TRIM4: variants seen among roughly 807,000 people sequenced by gnomAD.
TRIM4 encodes tripartite motif containing 4, also known as E3 ubiquitin-protein ligase TRIM4.
Under a neutral mutation model 33.7 loss-of-function variants are expected in TRIM4, and 29 were observed. That is an observed-to-expected ratio of 0.86 (90% CI 0.64 to 1.17). The LOEUF is 1.17. Ranked by LOEUF, TRIM4 falls within the 50% of genes most tolerant of loss-of-function variation. The pLI, the probability that TRIM4 is intolerant of heterozygous loss-of-function variation, is 0.00. For missense variants in TRIM4, 554 were observed against 593.7 expected (o/e 0.93, Z 0.69); for synonymous variants, 224 against 233.0 (o/e 0.96, Z 0.35).
rs1355639033 is a variant in TRIM4, at chr7:99,908,342, T to C, written c.720+240A>G. ...TATGTGCTAAGTCTCAGATCCTAGA[T>C]GAACTATGAGACTGTGTGAATCAAC... is the stretch of plus-strand genomic sequence containing the variant. On this transcript the variant is annotated intron_variant, in intron 3 of 5. Coordinates refer to ENST00000349062, the MANE Select transcript of TRIM4 (RefSeq NM_033091.3). 10 of 418,842 alleles carry C rather than the reference T, an allele frequency of 2.4e-5. No individual in the cohort carries two copies. In the East Asian group the frequency reaches 3.4e-4, roughly 14 times the overall value. 25.9% of individuals were successfully genotyped at this position (418,842 alleles called of 1,614,324 possible). A position where few individuals can be genotyped will look rare whatever the true frequency, so the allele number is the denominator to read the frequency against.
At chr7:99,913,428 G>A (rs544369077) in intron 1 of TRIM4, among the ~76,000 whole-genome samples, 1 of 152,280 alleles carries the variant, frequency 6.6e-6, no homozygotes, top group African/African-American at 2.4e-5. Context: ...CAGCACTTTG[G>A]GAGGCCAAGG....
In TRIM4 at chr7:99,892,719, G is replaced by A; in HGVS notation, c.869C>T (p.Ala290Val). 1 of 1,613,610 alleles carries A rather than the reference G, an allele frequency of 6.2e-7. No homozygotes were observed. Among genetic ancestry groups the A allele is most frequent in the Non-Finnish European group, 8.5e-7 (1 of 1,179,946 alleles). The change falls in exon 6 of 6, where the codon GCT (alanine) becomes GTT (valine). Residue 290 changes from alanine to valine, a missense_variant. Transcript: ENST00000349062. ...QVAVNLAEDT[A>V]HPKLVFSQEG... is the part of the protein sequence containing the mutation. ...CTGGGAGAAGACGAGTTTGGGATGA[G>A]CTGTGTCTTCAGCTAGGTTTACAGC...
chr7:99,896,824 C>G (rs940792460), intron 5 of TRIM4, among the ~76,000 whole-genome samples: 1 of 152,250 alleles, frequency 6.6e-6, no homozygotes, highest in African/African-American at 2.4e-5. Flanking sequence ...TCTGGAAGAA[C>G]TGCTGCAGGG....
intron 3 of TRIM4, among the ~76,000 whole-genome samples, chr7:99,904,945 A>G (rs1377229702): frequency 6.6e-6 from 1 of 152,046 alleles, no homozygotes; most frequent in Non-Finnish European, 1.5e-5. Context: ...GGAACGAGAA[A>G]TGCTTGAACC....
At chr7:99,894,328 T>C (rs928856650) in intron 5 of TRIM4, among the ~76,000 whole-genome samples, 5 of 152,134 alleles carry the variant, frequency 3.3e-5, no homozygotes, top group Non-Finnish European at 7.4e-5. Context: ...TCTTGAAGAA[T>C]TGGCATTTAT....
chr7:99,909,788 A>G (rs1172239673), intron 1 of TRIM4, 128 bp from the exon 2 acceptor site: 1 of 733,818 alleles, frequency 1.4e-6, no homozygotes, highest in Non-Finnish European at 2.1e-6. Context: ...GTTAGACTGC[A>G]GCGGCCTGAT....
chr7:99,893,222 G>A (rs1354533373), intron 5 of TRIM4, among the ~76,000 whole-genome samples: 1 of 152,018 alleles, frequency 6.6e-6, no homozygotes, highest in Non-Finnish European at 1.5e-5. Flanking sequence ...ACCCGAGATC[G>A]TGCCACTGCA....
chr7:99,900,217 G>A (rs531972348), intron 5 of TRIM4, among the ~76,000 whole-genome samples: 2 of 152,350 alleles, frequency 1.3e-5, no homozygotes, highest in East Asian at 3.9e-4. Flanking sequence ...CATTAGGCAG[G>A]AAGAGCCAAT....
chr7:99,898,254 A>G (rs1819067814), intron 5 of TRIM4, among the ~76,000 whole-genome samples: 1 of 152,228 alleles, frequency 6.6e-6, no homozygotes, highest in South Asian at 2.1e-4. Context: ...TACACGATGG[A>G]CAAGGGTGAG....
chr7:99,896,737 T>C lies in TRIM4; in HGVS notation c.842-3991A>G, dbSNP rs369363025. Reference sequence around the variant, plus strand: ...CCTGGGCTGGTTGTCCACATGTATGTGGGGCCCAATAGCCACTATCCTTGA... The same window carrying C: ...CCTGGGCTGGTTGTCCACATGTATGCGGGGCCCAATAGCCACTATCCTTGA... On this transcript the variant is annotated intron_variant, in intron 5 of 5. Transcript: ENST00000349062. Among the ~76,000 whole-genome samples the C allele has an allele frequency of 2.5e-4, 38 of 152,344 alleles. 1 individual carries two copies. Among genetic ancestry groups the C allele is most frequent in the African/African-American group, 8.9e-4 (37 of 41,580 alleles).
chr7:99,908,391 G>C (rs1190340194), intron 3 of TRIM4, 191 bp downstream of exon 3: 1 of 564,450 alleles, frequency 1.8e-6, no homozygotes, highest in Non-Finnish European at 3.1e-6. Context: ...GCTGAGCTCA[G>C]CATACCTACA....
At chr7:99,909,469 G>T in intron 2 of TRIM4, 96 bp downstream of exon 2, 1 of 1,023,942 alleles carries the variant, frequency 9.8e-7, no homozygotes, top group Non-Finnish European at 1.5e-6. Context: ...TACGTGAACT[G>T]CAAAACCCCA....
At chr7:99,916,796 G>A (rs757860733) in intron 1 of TRIM4, 32 of 780,350 alleles carry the variant, frequency 4.1e-5, no homozygotes, top group African/African-American at 3.9e-4. Context: ...CAAAAAAAAC[G>A]ATCATATCAT....
intron 5 of TRIM4, chr7:99,902,010 T>G (rs1819183419): frequency 7.2e-6 from 5 of 690,202 alleles, no homozygotes; most frequent in East Asian, 2.5e-5. Context: ...CAGCCTTACA[T>G]GGTCTGGAAA....
Position 99,892,190 on chromosome 7 carries a change from G to C in TRIM4, c.1398C>G (p.Val466=). The C allele has an allele frequency of 6.2e-7, 1 of 1,612,648 alleles. No individual in the cohort carries two copies. The highest frequency in any genetic ancestry group is 8.5e-7 in the Non-Finnish European group (1 of 1,179,500). ...ATTTCCTATCAGTCACTGGTGGAAT[G>C]ACTAAAGATGCTAATGGACTCAACC... ...FFWLSPLASL[V]IPPVTDRK is the part of the protein sequence containing the mutation. The change falls in exon 6 of 6, where the codon GTC becomes GTG. Residue 466 remains valine (V), a synonymous_variant. Coordinates refer to ENST00000349062, the MANE Select transcript of TRIM4 (RefSeq NM_033091.3).
chr7:99,897,682 T>C (rs1819053144), intron 5 of TRIM4, among the ~76,000 whole-genome samples: 1 of 152,202 alleles, frequency 6.6e-6, no homozygotes, highest in Non-Finnish European at 1.5e-5. Context: ...CCCAACCCCC[T>C]GTATTTCCAA....
intron 3 of TRIM4, among the ~76,000 whole-genome samples, chr7:99,904,418 C>A (rs1040564956): frequency 6.6e-6 from 1 of 152,014 alleles, no homozygotes; most frequent in Non-Finnish European, 1.5e-5. Flanking sequence ...CCAAGAGGCA[C>A]CTAAGGAGAG....
chr7:99,892,076 G>C lies in TRIM4; in HGVS notation c.*87C>G. On this transcript the variant is annotated 3_prime_UTR_variant, in exon 6 of 6. Coordinates refer to ENST00000349062, the MANE Select transcript of TRIM4 (RefSeq NM_033091.3). ...CCCAGAAGATGGACCATCCAGGATA[G>C]AGACATGAAGGGCAGAAGAGGGCCC... The C allele has an allele frequency of 8.4e-7, 1 of 1,197,090 alleles. No individual in the cohort carries two copies. The highest frequency in any genetic ancestry group is 2.4e-5 in the East Asian group (1 of 41,028). 74.2% of individuals were successfully genotyped at this position (1,197,090 alleles called of 1,614,324 possible). A position where few individuals can be genotyped will look rare whatever the true frequency, so the allele number is the denominator to read the frequency against.
intron 3 of TRIM4, 77 bp downstream of exon 3, chr7:99,908,505 G>C: frequency 8.5e-7 from 1 of 1,179,560 alleles, no homozygotes. Context: ...CACTCACCAG[G>C]AAGGACATTC....
Sources: gnomAD v4.1 joint callset for allele counts (sites outside exome capture counted in the v4.1 genomes callset) on GRCh38, gnomAD v4.1.1 for gene constraint, MANE v1.5 for transcripts, NCBI Gene and HGNC (gene_info 2026-07-23, HGNC 2026-07-21) for gene names.